Variants in SSPN observed in about 807,000 individuals in gnomAD.
SSPN encodes the protein sarcospan.
A neutral mutation model predicts 19.1 loss-of-function variants in SSPN; 15 were observed. The ratio of observed to expected loss-of-function variants is 0.78; its 90% CI spans 0.52 to 1.21. The LOEUF (loss-of-function observed/expected upper bound fraction) is 1.21. Among genes scored for constraint, SSPN ranks in the 50% most tolerant of loss-of-function variants. The probability of loss-of-function intolerance (pLI) is 0.00; values close to 1 mark genes in which losing one functional copy is unlikely to be tolerated. For synonymous variants in SSPN, 147 were observed against 140.3 expected, an observed-to-expected ratio of 1.05 and a Z score of -0.34; for missense variants, 291 against 314.0, an observed-to-expected ratio of 0.93 and a Z score of 0.55.
intron 1 of SSPN, among the ~76,000 whole-genome samples, chr12:26,212,209 C>T (rs1310089449): frequency 1.3e-5 from 2 of 152,112 alleles, no homozygotes; most frequent in Admixed American, 6.6e-5. Flanking sequence ...TTTGCATGCT[C>T]ATATGAAAAT....
intron 1 of SSPN, among the ~76,000 whole-genome samples, chr12:26,149,018 C>T (rs1423234828): frequency 6.6e-6 from 1 of 152,188 alleles, no homozygotes; most frequent in African/African-American, 2.4e-5. Context: ...ACTTGAAAAA[C>T]TTCAAGCCAT....
At chr12:26,194,543 G>C (rs1023762738), upstream of SSPN, among the ~76,000 whole-genome samples, 1 of 152,192 alleles carries the variant, frequency 6.6e-6, no homozygotes, top group Non-Finnish European at 1.5e-5. Flanking sequence ...GTGCCACCAC[G>C]CCTGTCTAAT....
chr12:26,146,121 G>A (rs1944488726), intron 1 of SSPN, among the ~76,000 whole-genome samples: 1 of 152,206 alleles, frequency 6.6e-6, no homozygotes, highest in African/African-American at 2.4e-5. Context: ...CAAGAGACAA[G>A]TGAAGAGAAG....
chr12:26,204,007 C>G (rs1944908677), intron 1 of SSPN, among the ~76,000 whole-genome samples: 1 of 152,116 alleles, frequency 6.6e-6, no homozygotes, highest in African/African-American at 2.4e-5. Context: ...TCCTAAAAGC[C>G]CTATCTCCAA....
chr12:26,172,314 A>T (rs1944658063), intron 1 of SSPN, among the ~76,000 whole-genome samples: 1 of 152,180 alleles, frequency 6.6e-6, no homozygotes, highest in African/African-American at 2.4e-5. Context: ...CTTTTTGTGG[A>T]AAAGTCTCCT....
chr12:26,232,484 A>T lies in SSPN; in HGVS notation c.*1408A>T. On this transcript the variant is annotated 3_prime_UTR_variant, in exon 3 of 3. Coordinates refer to ENST00000242729, the MANE Select transcript of SSPN (RefSeq NM_005086.5). Reference sequence around the variant, plus strand: ...AGAACTTTATCAGTATGCTTTGTTGAAAGCAGAAATTAAGATAATAATTGA... The same window carrying T: ...AGAACTTTATCAGTATGCTTTGTTGTAAGCAGAAATTAAGATAATAATTGA... The T allele has an allele frequency of 1.0e-6, 1 of 985,434 alleles. No individual in the cohort carries two copies. Among genetic ancestry groups the T allele is most frequent in the African/African-American group, 1.7e-5 (1 of 57,366 alleles). The allele number at this position is 985,434 out of a possible 1,614,324, so 61.0% of individuals were successfully genotyped here.
chr12:26,193,922 T>G (rs1944804373), upstream of SSPN, among the ~76,000 whole-genome samples: 1 of 152,254 alleles, frequency 6.6e-6, no homozygotes, highest in Non-Finnish European at 1.5e-5. Flanking sequence ...TCTTCAAAGT[T>G]ACTTTTGTGG....
chr12:26,204,886 A>G (rs113749472), intron 1 of SSPN, among the ~76,000 whole-genome samples: 3 of 152,330 alleles, frequency 2.0e-5, no homozygotes, highest in African/African-American at 7.2e-5. Context: ...TCCAAAACGA[A>G]AAGGGATGGC....
chr12:26,133,090 A>G (rs1466984150), intron 1 of SSPN, among the ~76,000 whole-genome samples: 3 of 152,160 alleles, frequency 2.0e-5, no homozygotes, highest in Admixed American at 2.0e-4. Context: ...AGATTTTCAC[A>G]TCCTGAAAAG....
intron 1 of SSPN, among the ~76,000 whole-genome samples, chr12:26,139,035 A>T (rs1348765445): frequency 6.6e-6 from 1 of 152,164 alleles, no homozygotes; most frequent in Non-Finnish European, 1.5e-5. Flanking sequence ...GTAAATGTTT[A>T]ACTGGTTCTT....
At chr12:26,165,289 A>G (rs1944613723) in intron 1 of SSPN, among the ~76,000 whole-genome samples, 1 of 152,202 alleles carries the variant, frequency 6.6e-6, no homozygotes. Flanking sequence ...CTTTATAAGG[A>G]GTTCACTGCC....
chr12:26,220,808 C>T (rs1417496553), intron 1 of SSPN, among the ~76,000 whole-genome samples: 2 of 152,188 alleles, frequency 1.3e-5, no homozygotes, highest in African/African-American at 2.4e-5. Context: ...CTCTCTTCAG[C>T]TCTTACATCT....
Position 26,231,160 on chromosome 12 carries a change from G to A in SSPN, c.*84G>A. ...CAAAAAAAAATTTTAAACAAAGAAA[G>A]GAAAAAAATTGACAATAAAAGTCAC... On this transcript the variant is annotated 3_prime_UTR_variant, in exon 3 of 3. Coordinates refer to ENST00000242729, the MANE Select transcript of SSPN (RefSeq NM_005086.5). 4 of 1,411,992 alleles carry A rather than the reference G, an allele frequency of 2.8e-6. No individual in the cohort carries two copies. Among genetic ancestry groups the A allele is most frequent in the Admixed American group, 2.9e-5 (1 of 34,226 alleles). The allele number at this position is 1,411,992 out of a possible 1,614,324, so 87.5% of individuals were successfully genotyped here. A position where few individuals can be genotyped will look rare whatever the true frequency, so the allele number is the denominator to read the frequency against.
intron 1 of SSPN, among the ~76,000 whole-genome samples, chr12:26,146,408 T>C (rs1172569821): frequency 6.6e-6 from 1 of 152,234 alleles, no homozygotes; most frequent in Non-Finnish European, 1.5e-5. Context: ...GGGACATTTA[T>C]GCTGTTAAAT....
intron 1 of SSPN, among the ~76,000 whole-genome samples, chr12:26,148,496 T>C (rs1944506387): frequency 6.6e-6 from 1 of 152,232 alleles, no homozygotes; most frequent in African/African-American, 2.4e-5. Context: ...GCCAACATGA[T>C]GTGCTGCTTT....
chr12:26,178,084 A>G (rs896285252), intron 1 of SSPN, among the ~76,000 whole-genome samples: 1 of 152,210 alleles, frequency 6.6e-6, no homozygotes, highest in African/African-American at 2.4e-5. Flanking sequence ...TTTGATGCTC[A>G]CTTAGTAGGC....
chr12:26,212,523 A>T (rs894647104), intron 1 of SSPN, among the ~76,000 whole-genome samples: 2 of 152,114 alleles, frequency 1.3e-5, no homozygotes, highest in Admixed American at 1.3e-4. Flanking sequence ...CCCTGGAAAG[A>T]TGTGGAAATG....
intron 1 of SSPN, among the ~76,000 whole-genome samples, chr12:26,185,197 A>G (rs1038546222): frequency 6.6e-6 from 1 of 152,238 alleles, no homozygotes; most frequent in African/African-American, 2.4e-5. Context: ...CCTGTATAGC[A>G]TTCTTTCTTT....
chr12:26,218,163 T>C (rs1945076714), intron 1 of SSPN, among the ~76,000 whole-genome samples: 1 of 146,576 alleles, frequency 6.8e-6, no homozygotes, highest in Non-Finnish European at 1.5e-5. Context: ...TCATGTCCTT[T>C]GTAGGGACAT....
Sources: allele counts gnomAD v4.1 joint callset (sites outside exome capture counted in the v4.1 genomes callset), GRCh38; gene constraint gnomAD v4.1.1; transcripts MANE v1.5; gene names NCBI Gene and HGNC (gene_info 2026-07-23, HGNC 2026-07-21).